The following TEC variants were observed in gnomAD, a reference collection of about 807,000 sequenced individuals.
TEC encodes tyrosine-protein kinase Tec.
TEC carries 72 observed loss-of-function variants against 93.0 expected under a neutral mutation model. That is an observed-to-expected ratio of 0.77 (90% CI 0.64 to 0.94). The LOEUF (loss-of-function observed/expected upper bound fraction) is 0.94. Among genes scored for constraint, TEC ranks in the 40% least tolerant of loss-of-function variants. TEC has a pLI of 0.00. For synonymous variants in TEC, 249 were observed against 247.7 expected, an observed-to-expected ratio of 1.01 and a Z score of -0.05; for missense variants, 630 against 757.9, an observed-to-expected ratio of 0.83 and a Z score of 1.98.
chr4:48,159,414 A>G (rs1720532480), intron 8 of TEC, among the ~76,000 whole-genome samples: 1 of 152,140 alleles, frequency 6.6e-6, no homozygotes, highest in South Asian at 2.1e-4. Context: ...TTTTTTTGGG[A>G]CAGAGTCTTG....
At chr4:48,202,308 G>A (rs1010223627) in intron 2 of TEC, among the ~76,000 whole-genome samples, 1 of 152,182 alleles carries the variant, frequency 6.6e-6, no homozygotes, top group Admixed American at 6.5e-5. Flanking sequence ...GCCCATGCCT[G>A]TAATCCCAGC....
At chr4:48,226,977 C>T (rs1392099550) in intron 2 of TEC, among the ~76,000 whole-genome samples, 1 of 152,092 alleles carries the variant, frequency 6.6e-6, no homozygotes, top group East Asian at 1.9e-4. Context: ...TCATATGTTA[C>T]ATAATAGTCC....
intron 1 of TEC, among the ~76,000 whole-genome samples, chr4:48,240,110 G>T (rs1418125991): frequency 4.6e-5 from 7 of 151,978 alleles, no homozygotes; most frequent in Admixed American, 3.9e-4. Context: ...AATCTGAAGG[G>T]TATGGAAGAG....
At position 48,222,203 on chromosome 4, in the gene TEC, T is replaced by C. The variant is rs980085696; in HGVS notation, c.138+6274A>G. On this transcript the variant is annotated intron_variant, in intron 2 of 17. Transcript: ENST00000381501. ...AGAGGAGTGTGTCACTCCAAATAGA[T>C]TGAAGAGTATTAGCAAAGGCACGAT... is the stretch of plus-strand genomic sequence containing the variant. Among the ~76,000 whole-genome samples, 67 of 151,868 alleles carry C rather than the reference T, an allele frequency of 4.4e-4. 1 individual carries two copies. Among genetic ancestry groups the C allele is most frequent in the African/African-American group, 1.6e-3 (65 of 41,310 alleles).
At position 48,145,147 on chromosome 4, in the gene TEC, T is replaced by C. The variant is rs752693893; in HGVS notation, c.1402A>G (p.Ser468Gly). 1.9e-6 allele frequency: 3 copies of C among 1,614,086 alleles called. No individual in the cohort carries two copies. In the South Asian group the frequency reaches 3.3e-5, roughly 18 times the overall value. Residue 468 changes from serine (S) to glycine (G), a missense_variant, in exon 14 of 18, where the codon AGC (serine) becomes GGC (glycine). Ser to Gly is a moderately conservative substitution (Grantham distance 56, BLOSUM62 0). Transcript: ENST00000381501. ...CCTTCACACACATCCTGACACATGC[T>C]CAGCAGTACGTCTCTACTGAAATGA... ...QGHFSRDVLLSMCQDVCEGME... is the reference protein window; with the variant it reads ...QGHFSRDVLLGMCQDVCEGME...
chr4:48,218,782 A>G (rs1012105253), intron 2 of TEC, among the ~76,000 whole-genome samples: 1 of 152,194 alleles, frequency 6.6e-6, no homozygotes, highest in Non-Finnish European at 1.5e-5. Context: ...GAGCCTATAC[A>G]AATGAGAGAT....
rs6830617 is a variant in TEC, at chr4:48,186,082, C to T, written c.139-9896G>A. On this transcript the variant is annotated intron_variant, in intron 2 of 17. Transcript: ENST00000381501. ...CCATGTTGGCCGGGCTGGTCTCCAG[C>T]TCCTGACCGTGAGTGATCTGCCTGC... Among the ~76,000 whole-genome samples the T allele has an allele frequency of 2.0e-3, 299 of 152,352 alleles. 1 individual carries two copies. Among genetic ancestry groups the T allele is most frequent in the African/African-American group, 6.9e-3 (287 of 41,592 alleles).
intron 3 of TEC, among the ~76,000 whole-genome samples, chr4:48,172,523 C>G (rs538042758): frequency 6.6e-6 from 1 of 151,778 alleles, no homozygotes; most frequent in African/African-American, 2.4e-5. Flanking sequence ...CAACCTGGAA[C>G]CCCCTCGGCT....
chr4:48,262,643 G>A (rs1724527561), intron 1 of TEC, among the ~76,000 whole-genome samples: 1 of 152,132 alleles, frequency 6.6e-6, no homozygotes, highest in Non-Finnish European at 1.5e-5. Flanking sequence ...ATACTGCCTG[G>A]AAAAGGGAGG....
At chr4:48,176,250 T>G in intron 2 of TEC, 64 bp from the exon 3 acceptor site, 7 of 1,294,650 alleles carry the variant, frequency 5.4e-6, no homozygotes, top group Non-Finnish European at 7.6e-6. Context: ...ACAGTAATAT[T>G]GTTAAGGAAA....
Position 48,138,999 on chromosome 4 carries a change from G to A in TEC, c.1559C>T (p.Thr520Ile), listed in dbSNP as rs896582721. 1 of 1,614,156 alleles carries A rather than the reference G, an allele frequency of 6.2e-7. No individual in the cohort carries two copies. Among genetic ancestry groups the A allele is most frequent in the Non-Finnish European group, 8.5e-7 (1 of 1,179,978 alleles). The change falls in exon 16 of 18, where the codon ACA becomes ATA. Residue 520 changes from threonine (T) to isoleucine (I), a missense_variant. Thr to Ile is a moderately conservative substitution (Grantham distance 89, BLOSUM62 -1). Transcript: ENST00000381501. ...MARYVLDDQY[T>I]SSSGAKFPVK... ...AGGAAACTTAGCACCAGAAGAACTTGTGTACTGATCATCCAGAACATACCT... is the reference window on the plus strand; with the variant it reads ...AGGAAACTTAGCACCAGAAGAACTTATGTACTGATCATCCAGAACATACCT...
chr4:48,216,849 C>G (rs1276339988), intron 2 of TEC, among the ~76,000 whole-genome samples: 1 of 152,192 alleles, frequency 6.6e-6, no homozygotes, highest in Non-Finnish European at 1.5e-5. Flanking sequence ...TTTCTCTCAT[C>G]ATAATACAAA....
rs541713325 is a variant in TEC, at chr4:48,242,467, G to A, written c.-45-13808C>T. Among the ~76,000 whole-genome samples the A allele has an allele frequency of 1.3e-4, 20 of 152,286 alleles. 1 individual carries two copies. Among genetic ancestry groups the A allele is most frequent in the African/African-American group, 4.6e-4 (19 of 41,562 alleles). ...GCCAAATCTCAAAGGTAACAGAAGCGTCTACTTCAGATCTTTCACCATGTG... is the reference window on the plus strand; with the variant it reads ...GCCAAATCTCAAAGGTAACAGAAGCATCTACTTCAGATCTTTCACCATGTG... On this transcript the variant is annotated intron_variant, in intron 1 of 17. Transcript: ENST00000381501.
chr4:48,164,595 T>C (rs998819009), intron 7 of TEC, among the ~76,000 whole-genome samples: 1 of 152,122 alleles, frequency 6.6e-6, no homozygotes, highest in African/African-American at 2.4e-5. Flanking sequence ...GTAGCTCTGT[T>C]GCACTGAGAA....
chr4:48,186,712 CAGG>C (rs1721877030), intron 2 of TEC, among the ~76,000 whole-genome samples: 1 of 150,748 alleles, frequency 6.6e-6, no homozygotes, highest in East Asian at 2.0e-4. Flanking sequence ...CCGCCCCGTC[CAGG>C]AGGTGGGGGG....
chr4:48,151,956 C>T (rs940044990), intron 9 of TEC, among the ~76,000 whole-genome samples: 4 of 152,182 alleles, frequency 2.6e-5, no homozygotes, highest in Non-Finnish European at 4.4e-5. Flanking sequence ...TCCAGTAACA[C>T]TACCATCAAT....
intron 1 of TEC, among the ~76,000 whole-genome samples, chr4:48,265,241 T>A (rs980257371): frequency 4.0e-5 from 6 of 151,248 alleles, no homozygotes; most frequent in African/African-American, 1.5e-4. Flanking sequence ...AAAATAGAGA[T>A]TTTGATTTTA....
chr4:48,157,105 G>T (rs1720434106), intron 8 of TEC, among the ~76,000 whole-genome samples: 1 of 152,134 alleles, frequency 6.6e-6, no homozygotes. Context: ...CTTCTTCACT[G>T]TTCAACATAA....
At chr4:48,180,080 T>C (rs954182762) in intron 2 of TEC, among the ~76,000 whole-genome samples, 3 of 152,162 alleles carry the variant, frequency 2.0e-5, no homozygotes, top group Non-Finnish European at 1.5e-5. Context: ...ATTTTACTTA[T>C]GTCCCCTAAA....
Sources: gnomAD v4.1 joint callset for allele counts (sites outside exome capture counted in the v4.1 genomes callset) on GRCh38, gnomAD v4.1.1 for gene constraint, MANE v1.5 for transcripts, NCBI Gene and HGNC (gene_info 2026-07-23, HGNC 2026-07-21) for gene names.